Variants in HYI observed in about 807,000 individuals in gnomAD.
HYI encodes hydroxypyruvate isomerase (putative).
HYI carries 47 observed loss-of-function variants against 39.7 expected under a neutral mutation model. That is an observed-to-expected ratio of 1.18 (90% CI 0.94 to 1.51). The LOEUF (loss-of-function observed/expected upper bound fraction) is 1.51. Among genes scored for constraint, HYI ranks in the 40% most tolerant of loss-of-function variants. The pLI is 0.00. For missense variants in HYI, 465 were observed against 370.3 expected, an observed-to-expected ratio of 1.26 and a Z score of -2.10; for synonymous variants, 186 against 158.8, an observed-to-expected ratio of 1.17 and a Z score of -1.29.
At chr1:43,452,800 G>T in intron 2 of HYI, 1 of 1,221,412 alleles carries the variant, frequency 8.2e-7, no homozygotes. Context: ...ATTTGAATCA[G>T]CCCCACTTTG....
At chr1:43,452,938 GCCT>G (rs1656599866) in intron 2 of HYI, 9 of 1,608,526 alleles carry the variant, frequency 5.6e-6, no homozygotes, top group South Asian at 5.6e-5. Context: ...AATACACCAG[GCCT>G]CCTCTTGCCA....
In HYI at chr1:43,453,684, ACCTCGACGG is replaced by A. The variant is rs1425347186; in HGVS notation, c.101_109del (p.Ala34_Glu36del). ...AGGCGTCTCCGCGTACGGCCAGGCC[ACCTCGACGG>A]CCTCGAAGCCCGAGCTGCCCGCGGC... On this transcript the variant is annotated inframe_deletion, in exon 1 of 8. Transcript: ENST00000372430. 6.2e-6 allele frequency: 9 copies of A among 1,457,768 alleles called. No individual in the cohort carries two copies. The highest frequency in any genetic ancestry group is 5.4e-6 in the Non-Finnish European group (6 of 1,114,552). 90.3% of individuals were successfully genotyped at this position (1,457,768 alleles called of 1,614,324 possible).
chr1:43,452,424 G>T, intron 2 of HYI, 105 bp from the exon 3 acceptor site: 1 of 883,760 alleles, frequency 1.1e-6, no homozygotes, highest in Non-Finnish European at 1.9e-6. Flanking sequence ...CAGGTCTCCA[G>T]TCCATGGCAC....
At chr1:43,453,020 A>G (rs1656609385) in intron 2 of HYI, 1 of 1,458,372 alleles carries the variant, frequency 6.9e-7, no homozygotes, top group East Asian at 2.3e-5. Context: ...AGACAGTCCA[A>G]GCATCACTAC....
intron 2 of HYI, 198 bp from the exon 3 acceptor site, chr1:43,452,517 C>A: frequency 1.5e-6 from 1 of 674,184 alleles, no homozygotes. Context: ...CCAGACATCT[C>A]AGTGTCCACC....
chr1:43,453,717 G>GCCCGCAC lies in HYI; in HGVS notation c.70_76dup (p.Ala26GlyfsTer23). 2 of 1,396,058 alleles carry GCCCGCAC rather than the reference G, an allele frequency of 1.4e-6. No homozygotes were observed. The highest frequency in any genetic ancestry group is 3.2e-5 in the South Asian group (2 of 62,852). The allele number at this position is 1,396,058 out of a possible 1,614,324, so 86.5% of individuals were successfully genotyped here. A position where few individuals can be genotyped will look rare whatever the true frequency, so the allele number is the denominator to read the frequency against. ...GGCCTCGAAGCCCGAGCTGCCCGCG[G>GCCCGCAC]CCCGCACCCGCGCGGGGAGGCCGGA... On this transcript the variant is annotated frameshift_variant, in exon 1 of 8. Coordinates refer to ENST00000372430, the MANE Select transcript of HYI (RefSeq NM_001190880.3). LOFTEE classifies it high-confidence loss of function.
In HYI at chr1:43,453,515, C is replaced by T. The variant is rs777135303; in HGVS notation, c.200-18G>A. 1.3e-6 allele frequency: 2 copies of T among 1,538,906 alleles called. No individual in the cohort carries two copies. The highest frequency in any genetic ancestry group is 1.2e-5 in the South Asian group (1 of 82,594). On this transcript the variant is annotated intron_variant, in intron 1 of 7. Transcript: ENST00000372430. ...TTGGTCTCCTGCAGAGAGAACGGGC[C>T]TCAGCCCCCGGCTCGGACACTCCCC...
chr1:43,453,520 C>T (rs918692669), intron 1 of HYI, 23 bp from the exon 2 acceptor site: 4 of 1,534,680 alleles, frequency 2.6e-6, no homozygotes, highest in Non-Finnish European at 3.5e-6. Context: ...CGGGCCTCAG[C>T]CCCCGGCTCG....
Position 43,452,279 on chromosome 1 carries a change from G to C in HYI, c.352C>G (p.Arg118Gly), listed in dbSNP as rs761894952. 1.9e-6 allele frequency: 3 copies of C among 1,614,038 alleles called. No individual in the cohort carries two copies. Among genetic ancestry groups the C allele is most frequent in the Admixed American group, 3.3e-5 (2 of 60,010 alleles). Residue 118 changes from arginine to glycine, a missense_variant, in exon 3 of 8, where the codon CGA becomes GGA. Arg to Gly is a moderately radical substitution (Grantham distance 125, BLOSUM62 -2). Transcript: ENST00000372430. ...MAGRVPQGAD[R>G]IAVKAEMEAV... ...TCCATCTCAGCCTTGACTGCTATTC[G>C]ATCAGCTCCCTGGGGTACTCGGCCA...
chr1:43,451,370 G>C (rs976162089), intron 7 of HYI, 40 bp downstream of exon 7: 1 of 1,612,020 alleles, frequency 6.2e-7, no homozygotes, highest in Non-Finnish European at 8.5e-7. Flanking sequence ...GCCCCTGTCC[G>C]GGTCCCTCCA....
rs1299573385 is a variant in HYI at position 43,453,653 on chromosome 1, C to T, written c.141G>A (p.Ala47=). The change falls in exon 1 of 8, where the codon GCG becomes GCA. Residue 47 remains alanine, a synonymous_variant. Coordinates refer to ENST00000372430, the MANE Select transcript of HYI (RefSeq NM_001190880.3). The part of the protein sequence containing the change: ...VAWPYAETPE[A]LARAAREAGL... Reference sequence around the variant, plus strand: ...CCGCTTCTCGCGCGGCGCGCGCCAGCGCCTCAGGCGTCTCCGCGTACGGCC... The same window carrying T: ...CCGCTTCTCGCGCGGCGCGCGCCAGTGCCTCAGGCGTCTCCGCGTACGGCC... 3 of 1,486,370 alleles carry T rather than the reference C, an allele frequency of 2.0e-6. No homozygotes were observed. Among genetic ancestry groups the T allele is most frequent in the Non-Finnish European group, 2.7e-6 (3 of 1,125,918 alleles). The allele number at this position is 1,486,370 out of a possible 1,614,324, so 92.1% of individuals were successfully genotyped here. A position where few individuals can be genotyped will look rare whatever the true frequency, so the allele number is the denominator to read the frequency against.
chr1:43,453,548 G>A, intron 1 of HYI, 47 bp downstream of exon 1: 1 of 1,520,284 alleles, frequency 6.6e-7, no homozygotes, highest in Non-Finnish European at 8.9e-7. Flanking sequence ...CCCTGCCCGC[G>A]CCCCGGCACC....
rs566737195 is a variant in HYI, at chr1:43,452,692, T to TA, written c.312-374dup. On this transcript the variant is annotated intron_variant, in intron 2 of 7. Coordinates refer to ENST00000372430, the MANE Select transcript of HYI (RefSeq NM_001190880.3). Reference sequence around the variant, plus strand: ...TCTACTTCCTCTCCTCGCATCTACTTAGCCTTTTCCCATCTGTTTTCTGCC... The same window carrying TA: ...TCTACTTCCTCTCCTCGCATCTACTTAAGCCTTTTCCCATCTGTTTTCTGCC... 8.5e-4 allele frequency: 521 copies of TA among 610,462 alleles called. 2 individuals carry two copies. The African/African-American group carries it at 8.5e-3, about 10-fold the overall frequency. The allele number at this position is 610,462 out of a possible 1,614,324, so 37.8% of individuals were successfully genotyped here.
At chr1:43,453,543 C>A (rs1440499466) in intron 1 of HYI, 46 bp from the exon 2 acceptor site, 1 of 1,521,702 alleles carries the variant, frequency 6.6e-7, no homozygotes, top group Non-Finnish European at 8.8e-7. Flanking sequence ...CACTCCCCTG[C>A]CCGCGCCCCG....
Position 43,453,141 on chromosome 1 carries a change from T to C in HYI, c.311+245A>G, listed in dbSNP as rs1656623080. On this transcript the variant is annotated intron_variant, in intron 2 of 7. Coordinates refer to ENST00000372430, the MANE Select transcript of HYI (RefSeq NM_001190880.3). Reference sequence around the variant, plus strand: ...ATCACTGTATATATTTACTCTCCTATCTGCCTAGGCAGACTGAGCTCCCAG... The same window carrying C: ...ATCACTGTATATATTTACTCTCCTACCTGCCTAGGCAGACTGAGCTCCCAG... The C allele has an allele frequency of 4.4e-6, 3 of 689,310 alleles. No homozygotes were observed. The Admixed American group carries it at 6.4e-5, about 15-fold the overall frequency. 42.7% of individuals were successfully genotyped at this position (689,310 alleles called of 1,614,324 possible).
chr1:43,451,879 C>T (rs1290212075), intron 4 of HYI, 32 bp from the exon 5 acceptor site: 3 of 1,613,910 alleles, frequency 1.9e-6, no homozygotes, highest in African/African-American at 2.7e-5. Context: ...GGACCGTGAG[C>T]CTCAAGAGCA....
In HYI at chr1:43,452,221, G is replaced by C. The variant is rs1656515238; in HGVS notation, c.410C>G (p.Ala137Gly). Residue 137 changes from alanine (A) to glycine (G), a missense_variant, in exon 3 of 8, where the codon GCT becomes GGT. Physicochemically the swap from Ala to Gly is moderately conservative, Grantham distance 60 (BLOSUM62 0). Coordinates refer to ENST00000372430, the MANE Select transcript of HYI (RefSeq NM_001190880.3). ...AVFLENLRHA[A>G]GVLAQEDLVG... is the part of the protein sequence containing the mutation. ...CTTTCTCACCTGAGCCAAAACCCCA[G>C]CTGCATGCCTCAGGTTCTCCAGAAA... 3 of 1,613,402 alleles carry C rather than the reference G, an allele frequency of 1.9e-6. No homozygotes were observed. Among genetic ancestry groups the C allele is most frequent in the Admixed American group, 3.3e-5 (2 of 59,962 alleles).
At chr1:43,452,133 C>G in intron 3 of HYI, 72 bp downstream of exon 3, 1 of 1,491,732 alleles carries the variant, frequency 6.7e-7, no homozygotes, top group South Asian at 1.2e-5. Context: ...CACGTGCTGT[C>G]CCCACTGTGC....
rs1291339021 is a variant in HYI at position 43,453,673 on chromosome 1, A to T, written c.121T>A (p.Tyr41Asn). 9 of 1,479,822 alleles carry T rather than the reference A, an allele frequency of 6.1e-6. No individual in the cohort carries two copies. In the African/African-American group the frequency reaches 1.2e-4, roughly 19 times the overall value. The allele number at this position is 1,479,822 out of a possible 1,614,324, so 91.7% of individuals were successfully genotyped here. Residue 41 changes from tyrosine to asparagine, a missense_variant, in exon 1 of 8, where the codon TAC becomes AAC. Coordinates refer to ENST00000372430, the MANE Select transcript of HYI (RefSeq NM_001190880.3). ...GFEAVEVAWP[Y>N]AETPEALARA... ...GCCAGCGCCTCAGGCGTCTCCGCGT[A>T]CGGCCAGGCCACCTCGACGGCCTCG... is the stretch of plus-strand genomic sequence containing the variant.
Sources: gnomAD v4.1 joint callset for allele counts on GRCh38, gnomAD v4.1.1 for gene constraint, MANE v1.5 for transcripts, NCBI Gene and HGNC (gene_info 2026-07-23, HGNC 2026-07-21) for gene names.